Variants in LRBA observed in about 807,000 individuals in gnomAD.
The protein encoded by LRBA is lipopolysaccharide-responsive and beige-like anchor protein.
LRBA carries 176 observed loss-of-function variants against 330.0 expected under a neutral mutation model. The ratio of observed to expected loss-of-function variants is 0.53; its 90% CI spans 0.47 to 0.60. The LOEUF is 0.60. Ranked by LOEUF, LRBA falls within the 20% of genes least tolerant of loss-of-function variation. The pLI, the probability that LRBA is intolerant of heterozygous loss-of-function variation, is 0.00. For synonymous variants in LRBA, 1,230 were observed against 1,193.0 expected (o/e 1.03, Z -0.64); for missense variants, 3,259 against 3,444.8 (o/e 0.95, Z 1.35).
At chr4:150,318,728 G>T in intron 50 of LRBA, among the ~76,000 whole-genome samples, 1 of 152,102 alleles carries the variant, frequency 6.6e-6, no homozygotes, top group East Asian at 1.9e-4. Context: ...GTATTTTTCT[G>T]GTGAAAAGTT....
intron 7 of LRBA, 80 bp from the exon 8 acceptor site, chr4:150,915,807 AATG>A: frequency 9.3e-7 from 1 of 1,073,840 alleles, no homozygotes. Context: ...GTAAAAGTTA[AATG>A]ATAAGTTGTA....
At chr4:150,425,149 GATGAA>G (rs1447575194) in intron 46 of LRBA, among the ~76,000 whole-genome samples, 1 of 152,146 alleles carries the variant, frequency 6.6e-6, no homozygotes, top group East Asian at 1.9e-4. Flanking sequence ...TCTTTTGACA[GATGAA>G]ATGTAGTAAC....
intron 47 of LRBA, among the ~76,000 whole-genome samples, chr4:150,384,657 G>A: frequency 6.6e-6 from 1 of 152,076 alleles, no homozygotes; most frequent in East Asian, 1.9e-4. Context: ...AGACCTAATT[G>A]TGGAGGTAGA....
intron 37 of LRBA, among the ~76,000 whole-genome samples, chr4:150,663,112 A>C (rs1211287638): frequency 1.3e-5 from 2 of 152,234 alleles, no homozygotes; most frequent in African/African-American, 2.4e-5. Flanking sequence ...CAACTTGAGG[A>C]AATTTATTGA....
At chr4:150,431,726 T>C (rs1750408683) in intron 46 of LRBA, among the ~76,000 whole-genome samples, 1 of 152,188 alleles carries the variant, frequency 6.6e-6, no homozygotes, top group Non-Finnish European at 1.5e-5. Context: ...GTGGTTTGTA[T>C]TATATTTCCA....
chr4:150,771,532 C>T (rs185047049), intron 34 of LRBA, among the ~76,000 whole-genome samples: 5 of 152,226 alleles, frequency 3.3e-5, no homozygotes, highest in African/African-American at 7.2e-5. Flanking sequence ...GGCAGAAGTA[C>T]GGCATGCAGG....
At chr4:150,721,315 T>C (rs895157383) in intron 36 of LRBA, 1 of 332,464 alleles carries the variant, frequency 3.0e-6, no homozygotes, top group Non-Finnish European at 5.8e-6. Context: ...GTGAAAGTAC[T>C]TTGTATTGAT....
intron 47 of LRBA, among the ~76,000 whole-genome samples, chr4:150,413,077 T>A (rs1041056865): frequency 4.6e-5 from 7 of 151,096 alleles, no homozygotes; most frequent in East Asian, 1.9e-4. Context: ...CCAAAGAAAA[T>A]ATATATATAT....
At chr4:150,954,788 TA>T (rs1288723316) in intron 2 of LRBA, among the ~76,000 whole-genome samples, 4 of 21,868 alleles carry the variant, frequency 1.8e-4, no homozygotes, top group Admixed American at 9.8e-4. Context: ...TTTTAAAAAT[TA>T]AAAAAAAAAG....
intron 56 of LRBA, among the ~76,000 whole-genome samples, chr4:150,269,008 C>T (rs1350238369): frequency 3.0e-5 from 1 of 33,724 alleles, no homozygotes; most frequent in African/African-American, 5.9e-5. Flanking sequence ...CAAAACAAAA[C>T]AAAAGAGCTA....
intron 40 of LRBA, among the ~76,000 whole-genome samples, chr4:150,516,217 CTTTTTTTTTTTTT>C (rs869205771): frequency 3.4e-4 from 10 of 29,412 alleles, no homozygotes; most frequent in African/African-American, 8.2e-4. Flanking sequence ...TTTCTATTCT[CTTTTTTTTTTTTT>C]TTTTTTTTTT....
At chr4:150,729,946 GA>G (rs1730214139) in intron 36 of LRBA, among the ~76,000 whole-genome samples, 2 of 152,120 alleles carry the variant, frequency 1.3e-5, no homozygotes, top group African/African-American at 4.8e-5. Context: ...TCCATATGCA[GA>G]AGAATGAACC....
intron 40 of LRBA, among the ~76,000 whole-genome samples, chr4:150,556,199 T>C (rs968026577): frequency 3.3e-5 from 5 of 152,174 alleles, no homozygotes; most frequent in Non-Finnish European, 7.3e-5. Context: ...CAAATAAACA[T>C]GCTCTCCAAT....
chr4:150,906,078 C>CA, intron 12 of LRBA, 88 bp from the exon 13 acceptor site: 1 of 1,149,258 alleles, frequency 8.7e-7, no homozygotes, highest in South Asian at 1.5e-5. Flanking sequence ...AAAACTGGCC[C>CA]ACAAATTATG....
intron 47 of LRBA, among the ~76,000 whole-genome samples, chr4:150,381,409 G>A (rs1342942394): frequency 1.3e-5 from 2 of 152,190 alleles, no homozygotes; most frequent in Non-Finnish European, 2.9e-5. Flanking sequence ...TATTTCTATG[G>A]ATTTGTCTAT....
At chr4:150,578,573 A>C (rs2126329605) in intron 40 of LRBA, among the ~76,000 whole-genome samples, 1 of 152,352 alleles carries the variant, frequency 6.6e-6, no homozygotes, top group South Asian at 2.1e-4. Context: ...TGGACCTTAA[A>C]CATTCACATT....
intron 40 of LRBA, among the ~76,000 whole-genome samples, chr4:150,510,051 G>C (rs1218288491): frequency 6.6e-6 from 1 of 152,146 alleles, no homozygotes; most frequent in East Asian, 1.9e-4. Flanking sequence ...CAGGAGAATT[G>C]CTTGAAACCA....
intron 31 of LRBA, among the ~76,000 whole-genome samples, chr4:150,812,638 G>A (rs990073936): frequency 1.3e-5 from 2 of 151,964 alleles, no homozygotes; most frequent in African/African-American, 4.8e-5. Context: ...CTTACACAAA[G>A]CAAAGATGGT....
chr4:150,511,489 T>A (rs1018099555), intron 40 of LRBA, among the ~76,000 whole-genome samples: 1 of 152,208 alleles, frequency 6.6e-6, no homozygotes, highest in Non-Finnish European at 1.5e-5. Context: ...AATCACGCCA[T>A]GCTGCTTCAT....
Sources: gnomAD v4.1 joint callset for allele counts (sites outside exome capture counted in the v4.1 genomes callset) on GRCh38, gnomAD v4.1.1 for gene constraint, MANE v1.5 for transcripts, NCBI Gene and HGNC (gene_info 2026-07-23, HGNC 2026-07-21) for gene names.